Variants in APBA1 observed in about 807,000 individuals in gnomAD.
APBA1 encodes amyloid beta precursor protein binding family A member 1, also known as amyloid-beta A4 precursor protein-binding family A member 1.
Under a neutral mutation model 86.6 loss-of-function variants are expected in APBA1, and 55 were observed. The ratio of observed to expected loss-of-function variants is 0.64; its 90% confidence interval spans 0.51 to 0.80. The LOEUF (loss-of-function observed/expected upper bound fraction) is 0.80, where lower values mean the gene tolerates loss of function less well. Among genes scored for constraint, APBA1 ranks in the 30% least tolerant of loss-of-function variants. The pLI is 0.00. For synonymous variants in APBA1, 511 were observed against 493.9 expected, an observed-to-expected ratio of 1.03 and a Z score of -0.46; for missense variants, 1,090 against 1,183.0, an observed-to-expected ratio of 0.92 and a Z score of 1.15.
At chr9:69,626,197 C>T (rs1023811722) in intron 1 of APBA1, among the ~76,000 whole-genome samples, 2 of 152,138 alleles carry the variant, frequency 1.3e-5, no homozygotes, top group African/African-American at 4.8e-5. Flanking sequence ...ATAGATGTGG[C>T]TATGCTGAAG....
intron 1 of APBA1, among the ~76,000 whole-genome samples, chr9:69,631,556 G>A (rs973940132): frequency 2.6e-5 from 4 of 152,208 alleles, no homozygotes; most frequent in African/African-American, 9.6e-5. Flanking sequence ...CCATTACTGG[G>A]TGTATATCCA....
intron 1 of APBA1, among the ~76,000 whole-genome samples, chr9:69,632,321 A>G (rs1170540452): frequency 6.6e-6 from 1 of 152,176 alleles, no homozygotes; most frequent in East Asian, 1.9e-4. Context: ...ATTAATCATT[A>G]CTGAATGCTC....
chr9:69,672,584 C>T (rs538543220), upstream of APBA1, among the ~76,000 whole-genome samples: 20 of 149,746 alleles, frequency 1.3e-4, no homozygotes, highest in African/African-American at 3.9e-4. Context: ...CCGCTGATGT[C>T]CTCCGTGGGC....
intron 2 of APBA1, among the ~76,000 whole-genome samples, chr9:69,511,233 C>G (rs370042887): frequency 3.4e-4 from 51 of 152,192 alleles, no homozygotes; most frequent in African/African-American, 7.5e-4. Flanking sequence ...CAAGAAAAAA[C>G]CAAACAACCC....
intron 7 of APBA1, 89 bp downstream of exon 7, chr9:69,456,964 C>G: frequency 8.8e-7 from 1 of 1,133,210 alleles, no homozygotes; most frequent in South Asian, 1.3e-5. Flanking sequence ...AGCTGCTCTA[C>G]AGACACATGC....
intron 2 of APBA1, among the ~76,000 whole-genome samples, chr9:69,514,155 G>A (rs11139050): frequency 0.15 from 22,911 of 152,212 alleles, 2,300 homozygotes; most frequent in East Asian, 0.28. Context: ...AGTGGCATCA[G>A]TTACTTTGTG....
chr9:69,550,703 G>A lies in APBA1; in HGVS notation c.-69-33424C>T, dbSNP rs1354061825. 2.0e-5 allele frequency among the ~76,000 whole-genome samples: 3 copies of A among 152,206 alleles called. No homozygotes were observed. In the East Asian group the frequency reaches 5.8e-4, roughly 29 times the overall value. Reference sequence around the variant, plus strand: ...AGAAATAATTAAACATATCCTGTGAGCTCTGAGAAGTGCTGTAAAGAGAAT... The same window carrying A: ...AGAAATAATTAAACATATCCTGTGAACTCTGAGAAGTGCTGTAAAGAGAAT... On this transcript the variant is annotated intron_variant, in intron 1 of 12. Transcript: ENST00000265381.
At chr9:69,457,269 T>A (rs1835115078) in intron 6 of APBA1, 130 bp from the exon 7 acceptor site, 5 of 665,214 alleles carry the variant, frequency 7.5e-6, no homozygotes, top group African/African-American at 1.8e-5. Context: ...ACTCTAGGGT[T>A]AAACTGCCAA....
intron 9 of APBA1, among the ~76,000 whole-genome samples, chr9:69,451,500 A>G (rs1835008271): frequency 6.6e-6 from 1 of 152,036 alleles, no homozygotes; most frequent in South Asian, 2.1e-4. Context: ...TCCTGTGCCT[A>G]CCTCCTGCTC....
At chr9:69,462,593 T>G (rs1835208460) in intron 5 of APBA1, 1 of 152,226 alleles carries the variant, frequency 6.6e-6, no homozygotes, top group Non-Finnish European at 1.5e-5. Context: ...TGAAATCTTC[T>G]TAGTGCAGGA....
chr9:69,516,215 G>A lies in APBA1; in HGVS notation c.996C>T (p.Gly332=), dbSNP rs143764121. ...QQRAVGPAGG[G]EAGQRYSKEK... ...CCTTGCTGTACCGCTGCCCCGCCTCGCCGCCGCCCGCGGGGCCCACCGCCC... is the reference window on the plus strand; with the variant it reads ...CCTTGCTGTACCGCTGCCCCGCCTCACCGCCGCCCGCGGGGCCCACCGCCC... Residue 332 remains glycine, a synonymous_variant, in exon 2 of 13, where the codon GGC becomes GGT. Coordinates refer to ENST00000265381, the MANE Select transcript of APBA1 (RefSeq NM_001163.4). This position sits in a 1 kb window ranked among gnomAD's most constrained non-coding sequence, Gnocchi z 7.3. The A allele has an allele frequency of 3.3e-5, 49 of 1,497,872 alleles. No homozygotes were observed. The highest frequency in any genetic ancestry group is 3.8e-5 in the Non-Finnish European group (43 of 1,120,556). 92.8% of individuals were successfully genotyped at this position (1,497,872 alleles called of 1,614,324 possible).
intron 1 of APBA1, among the ~76,000 whole-genome samples, chr9:69,611,288 A>T (rs1822582108): frequency 8.6e-6 from 1 of 116,146 alleles, no homozygotes; most frequent in Non-Finnish European, 1.9e-5. Context: ...AGAAAAGGAA[A>T]AAAAAAAAAA....
intron 10 of APBA1, among the ~76,000 whole-genome samples, chr9:69,447,361 TTC>T (rs1834927563): frequency 6.6e-6 from 1 of 152,150 alleles, no homozygotes; most frequent in Admixed American, 6.5e-5. Flanking sequence ...TCTCATCGAT[TTC>T]TCTCTCTTGC....
At chr9:69,435,883 T>G (rs901338560) in intron 11 of APBA1, among the ~76,000 whole-genome samples, 1 of 152,028 alleles carries the variant, frequency 6.6e-6, no homozygotes, top group African/African-American at 2.4e-5. Context: ...ATGTCCTGAA[T>G]GGTATTGCCT....
chr9:69,472,948 T>A (rs1244535202), intron 3 of APBA1, among the ~76,000 whole-genome samples: 1 of 152,228 alleles, frequency 6.6e-6, no homozygotes, highest in Non-Finnish European at 1.5e-5. Context: ...AACCTAGTTG[T>A]AAGACTCCAG....
chr9:69,499,156 A>C (rs1278989548), intron 2 of APBA1, among the ~76,000 whole-genome samples: 1 of 152,100 alleles, frequency 6.6e-6, no homozygotes, highest in Non-Finnish European at 1.5e-5. Flanking sequence ...CCAACACTGG[A>C]ATGTATACTC....
chr9:69,528,761 C>T (rs992731587), intron 1 of APBA1, among the ~76,000 whole-genome samples: 5 of 151,686 alleles, frequency 3.3e-5, no homozygotes, highest in South Asian at 2.1e-4. Context: ...CACACACATA[C>T]GTACACACAC....
intron 1 of APBA1, among the ~76,000 whole-genome samples, chr9:69,663,014 C>T (rs781426496): frequency 1.1e-4 from 16 of 152,142 alleles, no homozygotes; most frequent in Admixed American, 2.6e-4. Flanking sequence ...ATTCAAAAAA[C>T]GAAAAAACAA....
At chr9:69,579,825 T>C (rs1007982947) in intron 1 of APBA1, among the ~76,000 whole-genome samples, 8 of 152,154 alleles carry the variant, frequency 5.3e-5, no homozygotes, top group Non-Finnish European at 8.8e-5. Flanking sequence ...AAAAGCCAAT[T>C]TGGAAATAGA....
Sources: gnomAD v4.1 joint callset for allele counts (sites outside exome capture counted in the v4.1 genomes callset) on GRCh38, gnomAD v4.1.1 for gene constraint, Gnocchi (gnomAD v3.1) non-coding constraint, MANE v1.5 for transcripts, NCBI Gene and HGNC (gene_info 2026-07-23, HGNC 2026-07-21) for gene names.